ZNF804B: variants seen among roughly 807,000 people sequenced by gnomAD.
ZNF804B encodes the protein zinc finger protein 804B, also known as zinc finger 804B.
Under a neutral mutation model 101.4 loss-of-function variants are expected in ZNF804B, and 80 were observed. The observed-to-expected ratio is 0.79, with a 90% CI of 0.66 to 0.95. ZNF804B has a LOEUF of 0.95. Among genes scored for constraint, ZNF804B ranks in the 40% least tolerant of loss-of-function variants. ZNF804B has a pLI of 0.00. For missense variants in ZNF804B, 1,673 were observed against 1,561.9 expected (o/e 1.07, Z -1.20); for synonymous variants, 622 against 558.8 (o/e 1.11, Z -1.59).
At chr7:88,915,466 T>C (rs1418737218) in intron 1 of ZNF804B, among the ~76,000 whole-genome samples, 3 of 152,002 alleles carry the variant, frequency 2.0e-5, no homozygotes, top group African/African-American at 7.2e-5. Context: ...ACAAATTAAA[T>C]AGATGAACTT....
chr7:89,285,522 C>CAAAAAAAAAAAAAAAAAAAAAAAAAAAA (rs778078214), intron 2 of ZNF804B, among the ~76,000 whole-genome samples: 1 of 22,394 alleles, frequency 4.5e-5, no homozygotes, highest in African/African-American at 1.5e-4. Context: ...GACTCTGTCT[C>CAAAAAAAAAAAAAAAAAAAAAAAAAAAA]AAAAAAAAAA....
At chr7:89,001,869 A>T (rs1788295643) in intron 1 of ZNF804B, among the ~76,000 whole-genome samples, 1 of 151,768 alleles carries the variant, frequency 6.6e-6, no homozygotes, top group South Asian at 2.1e-4. Context: ...TTGTATTATT[A>T]TTGTCCTTTT....
intron 1 of ZNF804B, among the ~76,000 whole-genome samples, chr7:89,153,160 C>T (rs1790903773): frequency 6.6e-6 from 1 of 151,748 alleles, no homozygotes; most frequent in Non-Finnish European, 1.5e-5. Context: ...CAGATGACCT[C>T]GCTCATAGTT....
intron 2 of ZNF804B, among the ~76,000 whole-genome samples, chr7:89,262,779 A>G (rs541177061): frequency 5.2e-4 from 79 of 152,246 alleles, no homozygotes; most frequent in African/African-American, 1.9e-3. Flanking sequence ...ATACTTTTAT[A>G]TTTCAAAAAT....
Position 88,759,771 on chromosome 7 carries a change from C to T in ZNF804B, c.-206C>T. 3.4e-6 allele frequency: 2 copies of T among 586,808 alleles called. No individual in the cohort carries two copies. The highest frequency in any genetic ancestry group is 2.8e-5 in the East Asian group (1 of 35,378). The allele number at this position is 586,808 out of a possible 1,614,324, so 36.4% of individuals were successfully genotyped here. ...CCGTGCTCTGTGCTGTCGCCGCCGC[C>T]GCCTCTGTCAGAGCAGCAGCTGTCG... On this transcript the variant is annotated 5_prime_UTR_variant, in exon 1 of 4. Coordinates refer to ENST00000333190, the MANE Select transcript of ZNF804B (RefSeq NM_181646.5).
intron 1 of ZNF804B, among the ~76,000 whole-genome samples, chr7:88,924,704 T>G (rs2116004523): frequency 6.6e-6 from 1 of 152,272 alleles, no homozygotes; most frequent in East Asian, 1.9e-4. Flanking sequence ...TGTAACTCTC[T>G]CTCCTCATTT....
chr7:89,268,418 ACTT>A lies in ZNF804B; in HGVS notation c.249+50127_249+50129del, dbSNP rs1370741316. Among the ~76,000 whole-genome samples, 6 of 152,178 alleles carry A rather than the reference ACTT, an allele frequency of 3.9e-5. No individual in the cohort carries two copies. The East Asian group carries it at 1.2e-3, about 29-fold the overall frequency. On this transcript the variant is annotated intron_variant, in intron 2 of 3. Coordinates refer to ENST00000333190, the MANE Select transcript of ZNF804B (RefSeq NM_181646.5). ...TCCCAACAAATCCCACCTATGTTAG[ACTT>A]CTTTAGAGTCTCTTCTCTGCTTTCC... is the stretch of plus-strand genomic sequence containing the variant.
intron 1 of ZNF804B, among the ~76,000 whole-genome samples, chr7:88,945,816 T>C (rs1452621012): frequency 1.3e-5 from 2 of 152,088 alleles, no homozygotes; most frequent in East Asian, 1.9e-4. Context: ...CCCTTGTAAG[T>C]TGTATTCCTA....
intron 1 of ZNF804B, among the ~76,000 whole-genome samples, chr7:89,145,626 A>G (rs1251316209): frequency 2.0e-5 from 3 of 152,050 alleles, no homozygotes; most frequent in African/African-American, 4.8e-5. Flanking sequence ...GTAACCTTAA[A>G]TGAAGTAACA....
chr7:88,917,046 C>T (rs190537883), intron 1 of ZNF804B, among the ~76,000 whole-genome samples: 1 of 152,136 alleles, frequency 6.6e-6, no homozygotes, highest in East Asian at 1.9e-4. Flanking sequence ...AGGTGGATCA[C>T]CTGAAGTCAG....
At chr7:88,831,719 A>C in intron 1 of ZNF804B, among the ~76,000 whole-genome samples, 1 of 152,006 alleles carries the variant, frequency 6.6e-6, no homozygotes, top group South Asian at 2.1e-4. Flanking sequence ...CAGGAATTCA[A>C]ATTTTTTATA....
intron 3 of ZNF804B, 125 bp from the exon 4 acceptor site, chr7:89,333,238 T>C (rs76332199): frequency 6.5e-4 from 604 of 933,734 alleles, no homozygotes; most frequent in Non-Finnish European, 8.2e-4. Flanking sequence ...CAAAAGGTTA[T>C]GTTTTAGAAG....
intron 1 of ZNF804B, among the ~76,000 whole-genome samples, chr7:89,183,939 TA>T: frequency 6.6e-6 from 1 of 152,164 alleles, no homozygotes; most frequent in Non-Finnish European, 1.5e-5. Context: ...TTTATAGAGT[TA>T]GCCTTTTTAT....
chr7:89,220,975 A>G (rs1240909330), intron 2 of ZNF804B, among the ~76,000 whole-genome samples: 1 of 151,876 alleles, frequency 6.6e-6, no homozygotes, highest in Non-Finnish European at 1.5e-5. Context: ...GGCCAAATTC[A>G]GACATATTTT....
intron 1 of ZNF804B, among the ~76,000 whole-genome samples, chr7:89,164,103 C>G (rs7800231): frequency 0.21 from 31,142 of 151,786 alleles, 3,404 homozygotes; most frequent in Middle Eastern, 0.39. Flanking sequence ...ACCGAAAATA[C>G]TCATTTTGTT....
intron 1 of ZNF804B, among the ~76,000 whole-genome samples, chr7:89,046,505 A>G (rs901004081): frequency 1.3e-5 from 2 of 152,190 alleles, no homozygotes; most frequent in African/African-American, 4.8e-5. Flanking sequence ...TTGATGGACT[A>G]AATAAAGGCC....
intron 1 of ZNF804B, among the ~76,000 whole-genome samples, chr7:88,801,303 GAAAA>G (rs924638257): frequency 6.1e-4 from 87 of 142,286 alleles, no homozygotes; most frequent in African/African-American, 2.1e-3. Flanking sequence ...GAGGAGAGGG[GAAAA>G]AAAAAAAAAG....
At chr7:88,903,172 C>A (rs138185548) in intron 1 of ZNF804B, among the ~76,000 whole-genome samples, 9 of 151,626 alleles carry the variant, frequency 5.9e-5, no homozygotes, top group Non-Finnish European at 1.2e-4. Flanking sequence ...AATGTTGCTC[C>A]CACTTACAAC....
chr7:89,117,413 G>A (rs1790327466), intron 1 of ZNF804B, among the ~76,000 whole-genome samples: 1 of 152,086 alleles, frequency 6.6e-6, no homozygotes. Context: ...TAACCAATAA[G>A]AAAATTTTCC....
Sources: gnomAD v4.1 joint callset for allele counts (sites outside exome capture counted in the v4.1 genomes callset) on GRCh38, gnomAD v4.1.1 for gene constraint, MANE v1.5 for transcripts, NCBI Gene and HGNC (gene_info 2026-07-23, HGNC 2026-07-21) for gene names.